The following METAP1 variants were observed in gnomAD, a reference collection of about 807,000 sequenced individuals.
METAP1 encodes the protein methionine aminopeptidase 1.
In METAP1, 28 loss-of-function variants were observed where a neutral mutation model predicts 53.8. That is an observed-to-expected ratio of 0.52 (90% CI 0.39 to 0.71). The LOEUF (loss-of-function observed/expected upper bound fraction) is 0.71, where lower values mean the gene tolerates loss of function less well. Ranked by LOEUF, METAP1 falls within the 30% of genes least tolerant of loss-of-function variation. The probability of loss-of-function intolerance (pLI) is 0.00; values close to 1 mark genes in which losing one functional copy is unlikely to be tolerated. For missense variants in METAP1, 389 were observed against 479.8 expected, an observed-to-expected ratio of 0.81 and a Z score of 1.77; for synonymous variants, 181 against 165.7, an observed-to-expected ratio of 1.09 and a Z score of -0.71.
intron 1 of METAP1, among the ~76,000 whole-genome samples, chr4:98,998,813 A>T (rs78029502): frequency 3.5e-5 from 5 of 144,080 alleles, no homozygotes; most frequent in African/African-American, 1.3e-4. Context: ...AAAAATGAGG[A>T]TTTTTTTTTT....
At chr4:99,055,403 AAAAG>A (rs1237214669) in intron 9 of METAP1, among the ~76,000 whole-genome samples, 2 of 152,132 alleles carry the variant, frequency 1.3e-5, no homozygotes, top group Non-Finnish European at 2.9e-5. Context: ...AAAAAAAAAA[AAAAG>A]AGAAAAGAAA....
At chr4:99,045,770 G>C (rs1172606554) in intron 8 of METAP1, among the ~76,000 whole-genome samples, 1 of 151,894 alleles carries the variant, frequency 6.6e-6, no homozygotes, top group Non-Finnish European at 1.5e-5. Context: ...TCTCTCTCCT[G>C]TGCATTAATG....
chr4:99,048,883 A>G lies in METAP1; in HGVS notation c.931+7A>G, dbSNP rs1341483633. ...AATGTACCCCACTATGCTAGTAAGT[A>G]CTATCCAGAGATTTGGTATAAGCTC... On this transcript the variant is annotated splice_region_variant and intron_variant, in intron 9 of 10. Transcript: ENST00000296411. 1.2e-6 allele frequency: 2 copies of G among 1,612,914 alleles called. No individual in the cohort carries two copies. Among genetic ancestry groups the G allele is most frequent in the Admixed American group, 1.7e-5 (1 of 59,832 alleles).
chr4:99,027,316 T>C (rs1035929194), intron 1 of METAP1, among the ~76,000 whole-genome samples: 3 of 152,292 alleles, frequency 2.0e-5, no homozygotes, highest in African/African-American at 7.2e-5. Context: ...ATTACCCTAC[T>C]TCTTAGGGGA....
chr4:99,031,558 C>G, intron 2 of METAP1: 2 of 1,288,768 alleles, frequency 1.6e-6, no homozygotes, highest in Non-Finnish European at 2.0e-6. Flanking sequence ...ACTTTGTGAC[C>G]ATGGGTTATT....
At chr4:99,023,310 C>G (rs1724285454) in intron 1 of METAP1, 1 of 666,638 alleles carries the variant, frequency 1.5e-6, no homozygotes. Flanking sequence ...GCTCGTTTGT[C>G]AGATTATTTC....
Position 99,045,197 on chromosome 4 carries a change from G to A in METAP1, c.674G>A (p.Arg225His), listed in dbSNP as rs201861968. ...CTTGCAGTGGATATCACTCTTTATCGCAATGGTTATCATGGGGACCTGAAT... is the reference window on the plus strand; with the variant it reads ...CTTGCAGTGGATATCACTCTTTATCACAATGGTTATCATGGGGACCTGAAT... ...DIVNVDITLY[R>H]NGYHGDLNET... Residue 225 changes from arginine to histidine, a missense_variant, in exon 8 of 11, where the codon CGC (arginine) becomes CAC (histidine). By Grantham distance (29) the Arg-to-His change is conservative (BLOSUM62 0). Transcript: ENST00000296411. The A allele has an allele frequency of 1.1e-5, 18 of 1,613,146 alleles. No individual in the cohort carries two copies. The highest frequency in any genetic ancestry group is 3.3e-4 in the Middle Eastern group (2 of 6,058).
intron 8 of METAP1, among the ~76,000 whole-genome samples, chr4:99,046,266 T>C (rs1218487212): frequency 6.6e-6 from 1 of 151,854 alleles, no homozygotes; most frequent in Non-Finnish European, 1.5e-5. Context: ...ATACAAAAAT[T>C]AGCCAGGTGT....
intron 1 of METAP1, among the ~76,000 whole-genome samples, chr4:99,000,625 A>G (rs1722870211): frequency 6.6e-6 from 1 of 151,856 alleles, no homozygotes; most frequent in South Asian, 2.1e-4. Flanking sequence ...AGTGGTAGGT[A>G]ACATGATTAA....
chr4:99,040,203 C>T (rs1433226996), intron 5 of METAP1, among the ~76,000 whole-genome samples: 1 of 152,120 alleles, frequency 6.6e-6, no homozygotes, highest in East Asian at 1.9e-4. Flanking sequence ...GTCATCATAA[C>T]ATAGGACAGA....
chr4:99,057,936 C>A, intron 10 of METAP1, 118 bp downstream of exon 10: 1 of 788,718 alleles, frequency 1.3e-6, no homozygotes, highest in Non-Finnish European at 2.0e-6. Flanking sequence ...ACTCCCTGTC[C>A]CACCTCAAAC....
At chr4:99,035,522 G>T (rs1725364508) in intron 4 of METAP1, 62 bp downstream of exon 4, 1 of 1,237,076 alleles carries the variant, frequency 8.1e-7, no homozygotes. Flanking sequence ...TACTGCAAAG[G>T]GAAGGAATGC....
intron 9 of METAP1, among the ~76,000 whole-genome samples, chr4:99,054,157 G>A (rs1726926971): frequency 1.3e-5 from 2 of 152,156 alleles, no homozygotes; most frequent in South Asian, 4.2e-4. Flanking sequence ...GTCCTAGGTG[G>A]CATTTTCTTC....
At chr4:99,019,998 T>A (rs1401831414) in intron 1 of METAP1, among the ~76,000 whole-genome samples, 3 of 152,122 alleles carry the variant, frequency 2.0e-5, no homozygotes, top group African/African-American at 4.8e-5. Flanking sequence ...TTCTTGTAGA[T>A]CCCTCATATT....
chr4:99,005,738 T>TA (rs2110279594), intron 1 of METAP1: 3 of 415,226 alleles, frequency 7.2e-6, no homozygotes, highest in African/African-American at 2.1e-5. Context: ...CCCCAGCCAT[T>TA]AAAAAAAGAA....
chr4:99,011,391 G>A lies in METAP1; in HGVS notation c.114+15524G>A, dbSNP rs1384157417. On this transcript the variant is annotated intron_variant, in intron 1 of 10. Coordinates refer to ENST00000296411, the MANE Select transcript of METAP1 (RefSeq NM_015143.3). ...AAGGAGTATCAGATCTTGTCAGATG[G>A]TTTTTCTGAATCAATTGAGATGATT... 2.0e-5 allele frequency among the ~76,000 whole-genome samples: 3 copies of A among 152,114 alleles called. No individual in the cohort carries two copies. The East Asian group carries it at 5.8e-4, about 29-fold the overall frequency.
intron 8 of METAP1, 74 bp from the exon 9 acceptor site, chr4:99,048,659 T>C (rs1726453912): frequency 6.7e-7 from 1 of 1,483,076 alleles, no homozygotes; most frequent in Non-Finnish European, 9.3e-7. Context: ...CATGAGCCAC[T>C]GCATCTGGTT....
chr4:99,042,473 C>T (rs1366915919), intron 6 of METAP1, among the ~76,000 whole-genome samples: 2 of 152,010 alleles, frequency 1.3e-5, no homozygotes, highest in African/African-American at 4.8e-5. Context: ...TAAAAGCATC[C>T]AGTAAAGTAA....
intron 9 of METAP1, among the ~76,000 whole-genome samples, chr4:99,049,426 C>T (rs1365541603): frequency 6.6e-6 from 1 of 152,152 alleles, no homozygotes; most frequent in African/African-American, 2.4e-5. Flanking sequence ...TAGGTGAAGT[C>T]AGTTCGTCTT....
Sources: allele counts gnomAD v4.1 joint callset (sites outside exome capture counted in the v4.1 genomes callset), GRCh38; gene constraint gnomAD v4.1.1; transcripts MANE v1.5; gene names NCBI Gene and HGNC (gene_info 2026-07-23, HGNC 2026-07-21).